Variants in ZNF76 observed in about 807,000 individuals in gnomAD.
ZNF76 encodes zinc finger protein 76.
Under a neutral mutation model 66.9 loss-of-function variants are expected in ZNF76, and 66 were observed. The observed-to-expected ratio is 0.99, with a 90% CI of 0.81 to 1.21. The LOEUF (loss-of-function observed/expected upper bound fraction) is 1.21, where lower values mean the gene tolerates loss of function less well. Among genes scored for constraint, ZNF76 ranks in the 50% most tolerant of loss-of-function variants. ZNF76 has a pLI of 0.00. For synonymous variants in ZNF76, 275 were observed against 296.1 expected, an observed-to-expected ratio of 0.93 and a Z score of 0.73; for missense variants, 729 against 760.3, an observed-to-expected ratio of 0.96 and a Z score of 0.48.
Position 35,286,494 on chromosome 6 carries a change from G to A in ZNF76, c.232+95G>A, listed in dbSNP as rs1270183497. 19 of 1,157,360 alleles carry A rather than the reference G, an allele frequency of 1.6e-5. No homozygotes were observed. The East Asian group carries it at 1.9e-4, about 12-fold the overall frequency. The allele number at this position is 1,157,360 out of a possible 1,614,324, so 71.7% of individuals were successfully genotyped here. A position where few individuals can be genotyped will look rare whatever the true frequency, so the allele number is the denominator to read the frequency against. ...GAGGATGGGATGGCACACAACTGGG[G>A]TGTAGACATGGGAGCTGTCATCTCC... On this transcript the variant is annotated intron_variant, in intron 4 of 13. Transcript: ENST00000373953.
At chr6:35,288,860 C>T (rs970473342) in intron 5 of ZNF76, among the ~76,000 whole-genome samples, 18 of 147,604 alleles carry the variant, frequency 1.2e-4, no homozygotes, top group African/African-American at 4.5e-4. Context: ...TACTGGGAAG[C>T]GGAGGTGGGA....
intron 1 of ZNF76, among the ~76,000 whole-genome samples, chr6:35,260,479 C>T (rs1285203244): frequency 1.3e-5 from 2 of 152,182 alleles, no homozygotes; most frequent in Non-Finnish European, 1.5e-5. Context: ...CTAAAATCAC[C>T]CCCACTGGCA....
chr6:35,272,447 G>C (rs1787218212), intron 1 of ZNF76, among the ~76,000 whole-genome samples: 1 of 151,824 alleles, frequency 6.6e-6, no homozygotes, highest in African/African-American at 2.4e-5. Flanking sequence ...TGTAGTGTGG[G>C]TGACAGAGCA....
At chr6:35,262,963 C>T (rs903944748) in intron 1 of ZNF76, among the ~76,000 whole-genome samples, 4 of 152,260 alleles carry the variant, frequency 2.6e-5, no homozygotes, top group Middle Eastern at 3.4e-3. Flanking sequence ...TCCCCTCAGC[C>T]ATCCTCACCT....
Position 35,291,345 on chromosome 6 carries a change from G to T in ZNF76, c.693G>T (p.Leu231=), listed in dbSNP as rs776382117. Residue 231 remains leucine, a synonymous_variant, in exon 8 of 14, where the codon CTG becomes CTT. Transcript: ENST00000373953. The part of the protein sequence containing the change: ...GEKPYKCPEE[L]CSKAFKTSGD... ...AACCATACAAGTGCCCAGAGGAGCTGTGCAGCAAGGCCTTCAAGACCTCAG... is the reference window on the plus strand; with the variant it reads ...AACCATACAAGTGCCCAGAGGAGCTTTGCAGCAAGGCCTTCAAGACCTCAG... 1.2e-6 allele frequency: 2 copies of T among 1,613,956 alleles called. No individual in the cohort carries two copies. The highest frequency in any genetic ancestry group is 1.7e-6 in the Non-Finnish European group (2 of 1,179,986).
At position 35,292,942 on chromosome 6, in the gene ZNF76, G is replaced by C; in HGVS notation, c.1227G>C (p.Glu409Asp). Reference protein sequence around the residue: ...PKRPRIAYLSEVKEERDDIPA... With the variant: ...PKRPRIAYLSDVKEERDDIPA... ...GACCCCGGATAGCTTACCTTTCGGA[G>C]GTGAAGGAAGAGAGAGATGACATCC... The change falls in exon 11 of 14, where the codon GAG becomes GAC. Residue 409 changes from glutamate (E) to aspartate (D), a missense_variant. Glu to Asp is a conservative substitution (Grantham distance 45, BLOSUM62 2). Coordinates refer to ENST00000373953, the MANE Select transcript of ZNF76 (RefSeq NM_003427.5). This position sits in a 1 kb window ranked among gnomAD's most constrained non-coding sequence, Gnocchi z 4.7. 1.9e-6 allele frequency: 3 copies of C among 1,614,232 alleles called. No homozygotes were observed. The highest frequency in any genetic ancestry group is 2.5e-6 in the Non-Finnish European group (3 of 1,180,042).
intron 1 of ZNF76, among the ~76,000 whole-genome samples, chr6:35,275,940 T>C (rs1439907813): frequency 2.0e-5 from 3 of 152,168 alleles, no homozygotes; most frequent in Non-Finnish European, 4.4e-5. Flanking sequence ...CACAGTGAAT[T>C]AGCAGAAGGA....
Position 35,290,293 on chromosome 6 carries a change from A to G in ZNF76, c.460A>G (p.Asn154Asp), listed in dbSNP as rs749157757. ...TCTTCATGACAGCCAGATTCCCCGT[A>G]ATGGAAAAGGGCAGCAAGTTGGAGA... ...KVLHDSQIPR[N>D]GKGQQVGDRA... is the part of the protein sequence containing the mutation. Residue 154 changes from asparagine (N) to aspartate (D), a missense_variant, in exon 6 of 14, where the codon AAT (asparagine) becomes GAT (aspartate). Transcript: ENST00000373953. The G allele has an allele frequency of 1.7e-4, 278 of 1,614,026 alleles. No homozygotes were observed. The highest frequency in any genetic ancestry group is 2.3e-4 in the Non-Finnish European group (275 of 1,180,020).
intron 1 of ZNF76, among the ~76,000 whole-genome samples, chr6:35,271,720 C>A (rs965425993): frequency 6.6e-6 from 1 of 150,720 alleles, no homozygotes; most frequent in African/African-American, 2.4e-5. Flanking sequence ...CCCTGAAGAT[C>A]AACATAGGAT....
intron 1 of ZNF76, among the ~76,000 whole-genome samples, chr6:35,261,015 T>C (rs1165251706): frequency 6.6e-6 from 1 of 152,154 alleles, no homozygotes; most frequent in East Asian, 1.9e-4. Flanking sequence ...GTGCTTCATT[T>C]GGGGGCATTG....
chr6:35,286,926 A>G (rs1269356050), intron 4 of ZNF76: 3 of 171,378 alleles, frequency 1.8e-5, no homozygotes, highest in East Asian at 3.1e-4. Flanking sequence ...TGATGAACTG[A>G]TCATTACAAA....
At chr6:35,269,806 CT>C (rs1450536431) in intron 1 of ZNF76, among the ~76,000 whole-genome samples, 7 of 152,344 alleles carry the variant, frequency 4.6e-5, no homozygotes, top group African/African-American at 9.6e-5. Flanking sequence ...CAGACCCACC[CT>C]TGTGACCAGG....
intron 2 of ZNF76, among the ~76,000 whole-genome samples, chr6:35,281,747 A>G (rs747100492): frequency 6.6e-6 from 1 of 152,170 alleles, no homozygotes; most frequent in East Asian, 1.9e-4. Flanking sequence ...CCTGGGCAAC[A>G]TAGCAAGACT....
chr6:35,282,588 T>C lies in ZNF76; in HGVS notation c.73+1364T>C, dbSNP rs759468109. 5.3e-5 allele frequency among the ~76,000 whole-genome samples: 8 copies of C among 152,286 alleles called. No homozygotes were observed. In the South Asian group the frequency reaches 1.7e-3, roughly 32 times the overall value. On this transcript the variant is annotated intron_variant, in intron 2 of 13. Coordinates refer to ENST00000373953, the MANE Select transcript of ZNF76 (RefSeq NM_003427.5). ...ATTCGTGTCTTCCTTGGACAGCACC[T>C]TGAACAAGGCAAATACTGCCTTGTT...
At chr6:35,281,543 C>T (rs1562111105) in intron 2 of ZNF76, among the ~76,000 whole-genome samples, 1 of 152,152 alleles carries the variant, frequency 6.6e-6, no homozygotes, top group African/African-American at 2.4e-5. Flanking sequence ...TCAGATATCC[C>T]CTGTCACAGT....
intron 12 of ZNF76, 87 bp downstream of exon 12, chr6:35,294,002 G>A: frequency 1.4e-6 from 2 of 1,478,666 alleles, no homozygotes; most frequent in South Asian, 1.3e-5. Context: ...AACTAGTCAA[G>A]TCTTCTTACC....
At chr6:35,273,515 G>A (rs1322556530) in intron 1 of ZNF76, among the ~76,000 whole-genome samples, 2 of 151,478 alleles carry the variant, frequency 1.3e-5, no homozygotes, top group Non-Finnish European at 2.9e-5. Flanking sequence ...AGGCACAATG[G>A]CTCACACCTA....
chr6:35,291,517 C>G (rs1222963712), intron 8 of ZNF76, 41 bp from the exon 9 acceptor site: 2 of 1,606,942 alleles, frequency 1.2e-6, no homozygotes, highest in Non-Finnish European at 1.7e-6. Flanking sequence ...CAGCATGGCC[C>G]TCTTTCCCAC....
rs770382663 is a variant in ZNF76 at position 35,295,325 on chromosome 6, G to T, written c.*77G>T. 4 of 1,303,980 alleles carry T rather than the reference G, an allele frequency of 3.1e-6. No homozygotes were observed. The highest frequency in any genetic ancestry group is 4.3e-6 in the Non-Finnish European group (4 of 931,514). 80.8% of individuals were successfully genotyped at this position (1,303,980 alleles called of 1,614,324 possible). On this transcript the variant is annotated 3_prime_UTR_variant, in exon 14 of 14. Coordinates refer to ENST00000373953, the MANE Select transcript of ZNF76 (RefSeq NM_003427.5). ...GCCACTCTTGCCCCCAAGGGCCCAG[G>T]CTGTGGCTGACACATAGAAGGTGGC...
Sources: allele counts gnomAD v4.1 joint callset (sites outside exome capture counted in the v4.1 genomes callset), GRCh38; gene constraint gnomAD v4.1.1; non-coding constraint Gnocchi (gnomAD v3.1); transcripts MANE v1.5; gene names NCBI Gene and HGNC (gene_info 2026-07-23, HGNC 2026-07-21).